Variants in ADAMTS12 observed in about 807,000 individuals in gnomAD.
ADAMTS12 encodes the protein A disintegrin and metalloproteinase with thrombospondin motifs 12.
ADAMTS12 carries 118 observed loss-of-function variants against 167.8 expected under a neutral mutation model. That is an observed-to-expected ratio of 0.70 (90% CI 0.61 to 0.82). The LOEUF (loss-of-function observed/expected upper bound fraction) is 0.82. Ranked by LOEUF, ADAMTS12 falls within the 40% of genes least tolerant of loss-of-function variation. The pLI, the probability that ADAMTS12 is intolerant of heterozygous loss-of-function variation, is 0.00. For missense variants in ADAMTS12, 1,916 were observed against 1,998.8 expected (o/e 0.96, Z 0.79); for synonymous variants, 704 against 716.9 (o/e 0.98, Z 0.29).
intron 16 of ADAMTS12, among the ~76,000 whole-genome samples, chr5:33,610,048 G>T (rs914488076): frequency 6.6e-6 from 1 of 151,942 alleles, no homozygotes. Flanking sequence ...GCATGGTGGC[G>T]CATGCCTGTA....
At chr5:33,832,441 G>A (rs1655973972) in intron 2 of ADAMTS12, among the ~76,000 whole-genome samples, 1 of 152,142 alleles carries the variant, frequency 6.6e-6, no homozygotes, top group Non-Finnish European at 1.5e-5. Context: ...TCTACTTAAA[G>A]TCACTATATG....
chr5:33,825,617 T>G (rs1748036896), intron 2 of ADAMTS12, among the ~76,000 whole-genome samples: 1 of 152,158 alleles, frequency 6.6e-6, no homozygotes, highest in African/African-American at 2.4e-5. Context: ...TTGATCAAGG[T>G]AGTGCTTTAA....
intron 3 of ADAMTS12, among the ~76,000 whole-genome samples, chr5:33,728,548 C>G (rs1561238635): frequency 6.6e-6 from 1 of 152,212 alleles, no homozygotes. Context: ...CTGGGATCAG[C>G]CTGGCCCTGG....
At position 33,796,708 on chromosome 5, in the gene ADAMTS12, G is replaced by C. The variant is rs1342125554; in HGVS notation, c.490-45160C>G. ...TTCTTCCCTTTCCTAAGTTTATCTTGAAAGTATATATGTGCTGAGATCAAG... is the reference window on the plus strand; with the variant it reads ...TTCTTCCCTTTCCTAAGTTTATCTTCAAAGTATATATGTGCTGAGATCAAG... On this transcript the variant is annotated intron_variant, in intron 2 of 23. Coordinates refer to ENST00000504830, the MANE Select transcript of ADAMTS12 (RefSeq NM_030955.4). Among the ~76,000 whole-genome samples the C allele has an allele frequency of 2.0e-5, 3 of 152,262 alleles. No homozygotes were observed. The East Asian group carries it at 5.8e-4, about 29-fold the overall frequency.
At chr5:33,567,330 C>A (rs947504645) in intron 19 of ADAMTS12, among the ~76,000 whole-genome samples, 2 of 152,174 alleles carry the variant, frequency 1.3e-5, no homozygotes, top group African/African-American at 4.8e-5. Context: ...AACTAAATAT[C>A]AAAATACAAA....
intron 2 of ADAMTS12, among the ~76,000 whole-genome samples, chr5:33,878,659 T>C (rs1223562855): frequency 2.0e-5 from 3 of 152,216 alleles, no homozygotes; most frequent in Non-Finnish European, 4.4e-5. Flanking sequence ...TCTGGTACTT[T>C]AGAGTAACAC....
intron 2 of ADAMTS12, among the ~76,000 whole-genome samples, chr5:33,805,346 C>T (rs968765407): frequency 6.6e-6 from 1 of 152,138 alleles, no homozygotes; most frequent in Non-Finnish European, 1.5e-5. Context: ...AATTCAGTCT[C>T]ATTAAAGAAA....
intron 3 of ADAMTS12, among the ~76,000 whole-genome samples, chr5:33,737,935 C>G (rs1037394318): frequency 1.3e-5 from 2 of 152,060 alleles, no homozygotes; most frequent in African/African-American, 4.8e-5. Flanking sequence ...AAAATAGAAA[C>G]AAGAAGTAAC....
At chr5:33,741,563 T>A (rs748626877) in intron 3 of ADAMTS12, among the ~76,000 whole-genome samples, 1 of 152,178 alleles carries the variant, frequency 6.6e-6, no homozygotes, top group Non-Finnish European at 1.5e-5. Flanking sequence ...TAGCTCATAA[T>A]GGACACCACT....
At chr5:33,863,231 T>C (rs1749688263) in intron 2 of ADAMTS12, among the ~76,000 whole-genome samples, 2 of 152,132 alleles carry the variant, frequency 1.3e-5, no homozygotes, top group African/African-American at 2.4e-5. Flanking sequence ...GGTATTCAAA[T>C]AGGAAGAGAA....
intron 3 of ADAMTS12, among the ~76,000 whole-genome samples, chr5:33,705,578 C>T (rs563295671): frequency 2.6e-5 from 4 of 152,084 alleles, no homozygotes; most frequent in South Asian, 4.2e-4. Context: ...TTTGGGAGGC[C>T]GAGGTGAGTA....
At chr5:33,623,023 T>G (rs1739408728) in intron 14 of ADAMTS12, among the ~76,000 whole-genome samples, 1 of 152,174 alleles carries the variant, frequency 6.6e-6, no homozygotes, top group African/African-American at 2.4e-5. Context: ...GAAATTAAAT[T>G]TAGACTGTTT....
intron 3 of ADAMTS12, among the ~76,000 whole-genome samples, chr5:33,685,016 C>T (rs1211019370): frequency 2.0e-5 from 3 of 152,098 alleles, no homozygotes; most frequent in African/African-American, 4.8e-5. Context: ...CTTAGGGAGC[C>T]GAGGAAGACA....
chr5:33,616,117 C>A, intron 14 of ADAMTS12, 45 bp from the exon 15 acceptor site: 1 of 1,601,784 alleles, frequency 6.2e-7, no homozygotes, highest in South Asian at 1.1e-5. Context: ...GCCAGCTTCT[C>A]AGCTGAATGC....
At chr5:33,660,188 T>C (rs190024025) in intron 6 of ADAMTS12, among the ~76,000 whole-genome samples, 114 of 152,288 alleles carry the variant, frequency 7.5e-4, no homozygotes, top group Non-Finnish European at 1.2e-3. Context: ...AACAGACCCC[T>C]GTCCTAAGGA....
chr5:33,753,546 AG>A (rs750966649), intron 2 of ADAMTS12, among the ~76,000 whole-genome samples: 2 of 152,164 alleles, frequency 1.3e-5, no homozygotes, highest in Non-Finnish European at 2.9e-5. Flanking sequence ...GATTGGACCT[AG>A]GGGCCCTTAG....
chr5:33,567,451 C>T (rs1746068871), intron 19 of ADAMTS12, among the ~76,000 whole-genome samples: 1 of 152,184 alleles, frequency 6.6e-6, no homozygotes, highest in Admixed American at 6.5e-5. Context: ...TGCTTATCTG[C>T]CCTTTAGGGA....
At chr5:33,850,475 C>T (rs1342319985) in intron 2 of ADAMTS12, among the ~76,000 whole-genome samples, 1 of 152,116 alleles carries the variant, frequency 6.6e-6, no homozygotes, top group East Asian at 1.9e-4. Flanking sequence ...AGCTAACATG[C>T]CCAAAGTTAC....
intron 20 of ADAMTS12, 74 bp downstream of exon 20, chr5:33,560,953 T>C (rs2111888573): frequency 6.5e-7 from 1 of 1,541,538 alleles, no homozygotes. Flanking sequence ...TTAGCAAGTG[T>C]TTATATAAGA....
Sources: gnomAD v4.1 joint callset for allele counts (sites outside exome capture counted in the v4.1 genomes callset) on GRCh38, gnomAD v4.1.1 for gene constraint, MANE v1.5 for transcripts, NCBI Gene and HGNC (gene_info 2026-07-23, HGNC 2026-07-21) for gene names.